PDZRN4: variants seen among roughly 807,000 people sequenced by gnomAD.
PDZRN4 encodes the protein PDZ domain containing ring finger 4.
PDZRN4 carries 70 observed loss-of-function variants against 99.0 expected under a neutral mutation model. That is an observed-to-expected ratio of 0.71 (90% CI 0.58 to 0.86). The LOEUF (loss-of-function observed/expected upper bound fraction) is 0.86. Among genes scored for constraint, PDZRN4 ranks in the 40% least tolerant of loss-of-function variants. PDZRN4 has a pLI of 0.00. For synonymous variants in PDZRN4, 551 were observed against 501.6 expected (o/e 1.10, Z -1.32); for missense variants, 1,474 against 1,331.2 (o/e 1.11, Z -1.67).
At chr12:41,228,512 G>A (rs1251197824) in intron 3 of PDZRN4, among the ~76,000 whole-genome samples, 2 of 152,028 alleles carry the variant, frequency 1.3e-5, no homozygotes, top group Non-Finnish European at 2.9e-5. Flanking sequence ...GATTTTGAAA[G>A]GCCTTTTGCC....
intron 3 of PDZRN4, among the ~76,000 whole-genome samples, chr12:41,330,558 A>G (rs989492358): frequency 2.0e-5 from 3 of 151,932 alleles, no homozygotes; most frequent in African/African-American, 7.2e-5. Flanking sequence ...AAAGCTCATG[A>G]GAAAATTAAA....
intron 3 of PDZRN4, among the ~76,000 whole-genome samples, chr12:41,457,982 G>C (rs2120524334): frequency 6.6e-6 from 1 of 152,220 alleles, no homozygotes; most frequent in African/African-American, 2.4e-5. Context: ...GAGAAGAGCA[G>C]GGAAAAGGGA....
At chr12:41,392,759 A>G (rs1293305207) in intron 3 of PDZRN4, among the ~76,000 whole-genome samples, 1 of 152,210 alleles carries the variant, frequency 6.6e-6, no homozygotes, top group Non-Finnish European at 1.5e-5. Flanking sequence ...ATTCCTAATG[A>G]AACTACATGT....
chr12:41,461,384 C>A (rs1237705786), intron 3 of PDZRN4, among the ~76,000 whole-genome samples: 5 of 152,086 alleles, frequency 3.3e-5, no homozygotes, highest in Non-Finnish European at 7.4e-5. Flanking sequence ...ACTCTGGGAC[C>A]AAAAAGCCCC....
intron 6 of PDZRN4, among the ~76,000 whole-genome samples, chr12:41,554,295 T>TCACC (rs1939107512): frequency 6.6e-6 from 1 of 152,192 alleles, no homozygotes; most frequent in African/African-American, 2.4e-5. Flanking sequence ...AGTTCATGAA[T>TCACC]CACCCTTCAC....
intron 3 of PDZRN4, among the ~76,000 whole-genome samples, chr12:41,355,890 A>G (rs1449362522): frequency 6.6e-6 from 1 of 152,052 alleles, no homozygotes; most frequent in African/African-American, 2.4e-5. Flanking sequence ...TGTGCATGCC[A>G]TTACTCAGTA....
At chr12:41,420,929 A>C (rs574072353) in intron 3 of PDZRN4, among the ~76,000 whole-genome samples, 1 of 152,242 alleles carries the variant, frequency 6.6e-6, no homozygotes, top group East Asian at 1.9e-4. Flanking sequence ...ATATCTGTTT[A>C]TATTCGCTAT....
intron 3 of PDZRN4, among the ~76,000 whole-genome samples, chr12:41,247,610 C>T (rs1293638085): frequency 6.6e-6 from 1 of 152,104 alleles, no homozygotes; most frequent in Admixed American, 6.5e-5. Flanking sequence ...TGGAGAAATA[C>T]AATAAATCTC....
intron 3 of PDZRN4, among the ~76,000 whole-genome samples, chr12:41,308,224 T>C (rs1388187977): frequency 2.6e-5 from 4 of 152,154 alleles, no homozygotes; most frequent in Non-Finnish European, 4.4e-5. Context: ...ATTGATAATA[T>C]ACGTGTTTTT....
At chr12:41,343,082 T>A (rs1234931523) in intron 3 of PDZRN4, among the ~76,000 whole-genome samples, 1 of 151,956 alleles carries the variant, frequency 6.6e-6, no homozygotes, top group East Asian at 1.9e-4. Flanking sequence ...ACAACATAGA[T>A]GGGCCTGGAG....
chr12:41,385,296 T>A (rs1283635210), intron 3 of PDZRN4, among the ~76,000 whole-genome samples: 1 of 152,122 alleles, frequency 6.6e-6, no homozygotes, highest in South Asian at 2.1e-4. Flanking sequence ...GCAATGGACA[T>A]GGCCTTGCAA....
intron 3 of PDZRN4, chr12:41,437,801 G>T: frequency 6.4e-7 from 1 of 1,558,976 alleles, no homozygotes; most frequent in Non-Finnish European, 8.6e-7. Flanking sequence ...TACGCTTCCA[G>T]CTAACAGCGG....
At chr12:41,557,337 G>A (rs1032112723) in intron 7 of PDZRN4, among the ~76,000 whole-genome samples, 9 of 151,970 alleles carry the variant, frequency 5.9e-5, no homozygotes, top group Admixed American at 1.3e-4. Flanking sequence ...CTGTTAAAAC[G>A]TCACTGCCAC....
chr12:41,303,677 C>T (rs1453450181), intron 3 of PDZRN4, among the ~76,000 whole-genome samples: 2 of 152,114 alleles, frequency 1.3e-5, no homozygotes, highest in Non-Finnish European at 1.5e-5. Flanking sequence ...TGTCAGTATT[C>T]GAGCATGTGA....
chr12:41,467,378 C>A (rs1345572048), intron 3 of PDZRN4, among the ~76,000 whole-genome samples: 1 of 151,866 alleles, frequency 6.6e-6, no homozygotes, highest in Non-Finnish European at 1.5e-5. Flanking sequence ...AAATTAATAC[C>A]CCAGGTGTCT....
intron 3 of PDZRN4, among the ~76,000 whole-genome samples, chr12:41,330,421 G>T (rs7133896): frequency 6.6e-6 from 1 of 151,294 alleles, no homozygotes; most frequent in Non-Finnish European, 1.5e-5. Flanking sequence ...TCAGTATCCT[G>T]ATCTGTAAAA....
At chr12:41,380,018 T>G (rs998824558) in intron 3 of PDZRN4, among the ~76,000 whole-genome samples, 3 of 152,112 alleles carry the variant, frequency 2.0e-5, no homozygotes, top group Non-Finnish European at 4.4e-5. Flanking sequence ...TATATTTACA[T>G]GTTCCAATGC....
chr12:41,286,940 G>A (rs1200992793), intron 3 of PDZRN4, among the ~76,000 whole-genome samples: 3 of 152,098 alleles, frequency 2.0e-5, no homozygotes, highest in Non-Finnish European at 4.4e-5. Context: ...GCTTGGAAGT[G>A]ATGCCACTTG....
intron 3 of PDZRN4, among the ~76,000 whole-genome samples, chr12:41,217,136 A>G (rs925097003): frequency 2.0e-5 from 3 of 152,110 alleles, no homozygotes; most frequent in African/African-American, 2.4e-5. Flanking sequence ...TAGTGTGCTT[A>G]AAGCTAGAGC....
Sources: allele counts gnomAD v4.1 joint callset (sites outside exome capture counted in the v4.1 genomes callset), GRCh38; gene constraint gnomAD v4.1.1; transcripts MANE v1.5; gene names NCBI Gene and HGNC (gene_info 2026-07-23, HGNC 2026-07-21).